ZNF197: variants seen among roughly 807,000 people sequenced by gnomAD.
The protein encoded by ZNF197 is VHL-associated KRAB-A domain-containing protein.
Under a neutral mutation model 27.4 loss-of-function variants are expected in ZNF197, and 14 were observed. The ratio of observed to expected loss-of-function variants is 0.51; its 90% CI spans 0.34 to 0.80. The LOEUF is 0.80. Ranked by LOEUF, ZNF197 falls within the 30% of genes least tolerant of loss-of-function variation. The pLI, the probability that ZNF197 is intolerant of heterozygous loss-of-function variation, is 0.02. For synonymous variants in ZNF197, 415 were observed against 420.0 expected (o/e 0.99, Z 0.15); for missense variants, 1,090 against 1,222.6 (o/e 0.89, Z 1.62).
chr3:44,632,056 C>T (rs1311581403), intron 3 of ZNF197, 49 bp from the exon 4 acceptor site: 1 of 1,555,302 alleles, frequency 6.4e-7, no homozygotes, highest in South Asian at 1.1e-5. Context: ...AGTGGGGTCA[C>T]TCAGAAAAGG....
At chr3:44,625,533 T>A (rs1307428546) in intron 1 of ZNF197, among the ~76,000 whole-genome samples, 2 of 152,074 alleles carry the variant, frequency 1.3e-5, no homozygotes, top group East Asian at 3.9e-4. Flanking sequence ...GCGCCCAGAC[T>A]CTTGAGGACG....
At position 44,642,765 on chromosome 3, in the gene ZNF197, G is replaced by GA; in HGVS notation, c.1636dup (p.Thr546AsnfsTer10). On this transcript the variant is annotated frameshift_variant, in exon 6 of 6. Transcript: ENST00000344387. LOFTEE classifies it low-confidence loss of function (END_TRUNC). The stretch of plus-strand genomic sequence containing the variant: ...CCTATAAATGTGATGAATGTGGAAA[G>GA]ACCTTTGCTCAGACCACTTATCTTA... 6.2e-7 allele frequency: 1 copy of GA among 1,613,656 alleles called. No homozygotes were observed. The highest frequency in any genetic ancestry group is 8.5e-7 in the Non-Finnish European group (1 of 1,179,966).
intron 3 of ZNF197, among the ~76,000 whole-genome samples, chr3:44,631,447 C>A (rs1443668652): frequency 6.6e-6 from 1 of 151,958 alleles, no homozygotes; most frequent in Non-Finnish European, 1.5e-5. Context: ...GTCGCCCAGG[C>A]TGGAGTGCAG....
At chr3:44,632,706 AAAG>A (rs1702080391) in intron 5 of ZNF197, 107 bp downstream of exon 5, 1 of 1,298,010 alleles carries the variant, frequency 7.7e-7, no homozygotes, top group Admixed American at 2.8e-5. Context: ...CGAATATTAC[AAAG>A]AAGAAAAAAA....
At chr3:44,628,986 T>C (rs1250634208) in intron 1 of ZNF197, 88 bp from the exon 2 acceptor site, 3 of 951,730 alleles carry the variant, frequency 3.2e-6, no homozygotes, top group Non-Finnish European at 3.1e-6. Flanking sequence ...TCTTTATTAC[T>C]GGGAGCTGAC....
rs1467394624 is a variant in ZNF197 at position 44,643,323 on chromosome 3, G to A, written c.2193G>A (p.Glu731=). 1 of 1,613,646 alleles carries A rather than the reference G, an allele frequency of 6.2e-7. No homozygotes were observed. The highest frequency in any genetic ancestry group is 1.3e-5 in the African/African-American group (1 of 74,874). ...FMVHQKLHTQ[E]KAYKCEDCGK... ...TCCATCAGAAACTCCATACACAAGAGAAAGCCTACAAATGTGAGGATTGTG... is the reference window on the plus strand; with the variant it reads ...TCCATCAGAAACTCCATACACAAGAAAAAGCCTACAAATGTGAGGATTGTG... The change falls in exon 6 of 6, where the codon GAG becomes GAA. Residue 731 remains glutamate (E), a synonymous_variant. Coordinates refer to ENST00000344387, the MANE Select transcript of ZNF197 (RefSeq NM_006991.5).
intron 1 of ZNF197, among the ~76,000 whole-genome samples, chr3:44,626,525 A>G (rs561477633): frequency 1.3e-5 from 2 of 152,376 alleles, no homozygotes; most frequent in Admixed American, 6.5e-5. Flanking sequence ...TTTTCCTGTG[A>G]TAAAAGTGTG....
Position 44,646,444 on chromosome 3 carries a change from AAATGTTCAACCTG to A in ZNF197, c.*2228_*2240del. The A allele has an allele frequency of 6.2e-7, 1 of 1,613,116 alleles. No homozygotes were observed. Among genetic ancestry groups the A allele is most frequent in the Non-Finnish European group, 8.5e-7 (1 of 1,179,558 alleles). On this transcript the variant is annotated 3_prime_UTR_variant, in exon 6 of 6. Transcript: ENST00000344387. ...ACCTTCTGTGATGTAATAAGCTGAAAAATGTTCAACCTGAATTTAATCAAGCTTCTTGGACCTC... is the reference window on the plus strand; with the variant it reads ...ACCTTCTGTGATGTAATAAGCTGAAAAATTTAATCAAGCTTCTTGGACCTC...
At chr3:44,632,311 A>G in intron 4 of ZNF197, 115 bp downstream of exon 4, 1 of 1,502,388 alleles carries the variant, frequency 6.7e-7, no homozygotes, top group South Asian at 1.2e-5. Flanking sequence ...ATCAGGGTCT[A>G]TGCTATTGGA....
At chr3:44,628,692 A>G (rs78277284) in intron 1 of ZNF197, among the ~76,000 whole-genome samples, 3,296 of 152,320 alleles carry the variant, frequency 0.022, 71 homozygotes, top group African/African-American at 0.054. Context: ...ATAAGGTAGG[A>G]ACTGTTACTA....
intron 5 of ZNF197, among the ~76,000 whole-genome samples, chr3:44,637,200 C>T (rs1702346628): frequency 6.6e-6 from 1 of 152,136 alleles, no homozygotes; most frequent in Non-Finnish European, 1.5e-5. Flanking sequence ...GTGATCATAG[C>T]TTACTGCAGC....
At chr3:44,627,118 CAT>C (rs1223531976) in intron 1 of ZNF197, among the ~76,000 whole-genome samples, 1 of 152,086 alleles carries the variant, frequency 6.6e-6, no homozygotes, top group Non-Finnish European at 1.5e-5. Context: ...TATGTACACA[CAT>C]ATGCAGAAAT....
chr3:44,632,448 A>C lies in ZNF197; in HGVS notation c.643-25A>C, dbSNP rs995593264. ...ACAGGCAAGTTCCTGGGCATTGGTA[A>C]TCTCACACACACTTGTTATTTCAGG... On this transcript the variant is annotated intron_variant, in intron 4 of 5. Coordinates refer to ENST00000344387, the MANE Select transcript of ZNF197 (RefSeq NM_006991.5). The C allele has an allele frequency of 4.5e-6, 7 of 1,562,346 alleles. No homozygotes were observed. The African/African-American group carries it at 8.2e-5, about 18-fold the overall frequency.
intron 1 of ZNF197, among the ~76,000 whole-genome samples, chr3:44,625,763 C>T (rs1019720284): frequency 5.9e-4 from 89 of 150,854 alleles, no homozygotes; most frequent in African/African-American, 2.0e-3. Context: ...CACACACACA[C>T]ACACACACAC....
chr3:44,642,657 T>G lies in ZNF197; in HGVS notation c.1527T>G (p.Pro509=). Reference sequence around the variant, plus strand: ...AGAGGCTCCACAAAGGGGAAGAACCTTATAAATGTAATAAGTGTCAGAAAG... The same window carrying G: ...AGAGGCTCCACAAAGGGGAAGAACCGTATAAATGTAATAAGTGTCAGAAAG... The part of the protein sequence containing the change: ...DHQRLHKGEE[P]YKCNKCQKAF... The change falls in exon 6 of 6, where the codon CCT becomes CCG. Residue 509 remains proline (P), a synonymous_variant. Transcript: ENST00000344387. 1 of 1,613,928 alleles carries G rather than the reference T, an allele frequency of 6.2e-7. No individual in the cohort carries two copies. The highest frequency in any genetic ancestry group is 8.5e-7 in the Non-Finnish European group (1 of 1,179,988).
In ZNF197 at chr3:44,644,838, G is replaced by C; in HGVS notation, c.*618G>C. 10 of 965,916 alleles carry C rather than the reference G, an allele frequency of 1.0e-5. No homozygotes were observed. The highest frequency in any genetic ancestry group is 1.2e-5 in the Non-Finnish European group (10 of 812,320). The allele number at this position is 965,916 out of a possible 1,614,324, so 59.8% of individuals were successfully genotyped here. On this transcript the variant is annotated 3_prime_UTR_variant, in exon 6 of 6. Coordinates refer to ENST00000344387, the MANE Select transcript of ZNF197 (RefSeq NM_006991.5). Reference sequence around the variant, plus strand: ...AGTTCGAGACAAGCCTGGGTAACACGGGGAGACCCGTCTTTAGTAAATAAA... The same window carrying C: ...AGTTCGAGACAAGCCTGGGTAACACCGGGAGACCCGTCTTTAGTAAATAAA...
rs1236128560 is a variant in ZNF197, at chr3:44,642,924, G to A, written c.1794G>A (p.Lys598=). Residue 598 remains lysine, a synonymous_variant, in exon 6 of 6, where the codon AAG becomes AAA. Transcript: ENST00000344387. ...AAAAGAAAACCTTTGGTTGTAAAAA[G>A]TGTGGGAAGATTTTCAGTTCTAAGT... ...HTEKKTFGCK[K]CGKIFSSKSN... The A allele has an allele frequency of 1.2e-6, 2 of 1,613,922 alleles. No homozygotes were observed. Among genetic ancestry groups the A allele is most frequent in the East Asian group, 2.2e-5 (1 of 44,888 alleles).
Position 44,642,833 on chromosome 3 carries a change from G to A in ZNF197, c.1703G>A (p.Cys568Tyr). The change falls in exon 6 of 6, where the codon TGT becomes TAT. Residue 568 changes from cysteine to tyrosine, a missense_variant. Physicochemically the swap from Cys to Tyr is radical, Grantham distance 194. Coordinates refer to ENST00000344387, the MANE Select transcript of ZNF197 (RefSeq NM_006991.5). The stretch of plus-strand genomic sequence containing the variant: ...CACAGTGCAGAGAACCCTTACAAGT[G>A]TAAAGAATGTGGAAAAGTTTTCATT... ...RLHSAENPYK[C>Y]KECGKVFIRS... is the part of the protein sequence containing the mutation. 2 of 1,614,074 alleles carry A rather than the reference G, an allele frequency of 1.2e-6. No individual in the cohort carries two copies. Among genetic ancestry groups the A allele is most frequent in the Non-Finnish European group, 1.7e-6 (2 of 1,180,022 alleles).
chr3:44,629,001 A>AGCTGACTGGGG (rs1256990589), intron 1 of ZNF197, 73 bp from the exon 2 acceptor site: 1 of 1,124,334 alleles, frequency 8.9e-7, no homozygotes, highest in Admixed American at 2.5e-5. Flanking sequence ...GCTGACTGGG[A>AGCTGACTGGGG]GCTGACTGGG....
Sources: gnomAD v4.1 joint callset for allele counts (sites outside exome capture counted in the v4.1 genomes callset) on GRCh38, gnomAD v4.1.1 for gene constraint, MANE v1.5 for transcripts, NCBI Gene and HGNC (gene_info 2026-07-23, HGNC 2026-07-21) for gene names.